Variants in SPAG9 observed in about 807,000 individuals in gnomAD.
SPAG9 encodes C-Jun-amino-terminal kinase-interacting protein 4.
A neutral mutation model predicts 166.5 loss-of-function variants in SPAG9; 35 were observed. That is an observed-to-expected ratio of 0.21 (90% CI 0.16 to 0.28). The LOEUF (loss-of-function observed/expected upper bound fraction) is 0.28, where lower values mean the gene tolerates loss of function less well. Ranked by LOEUF, SPAG9 falls within the 10% of genes least tolerant of loss-of-function variation. The pLI is 1.00. For missense variants in SPAG9, 1,235 were observed against 1,603.3 expected (o/e 0.77, Z 3.92); for synonymous variants, 534 against 565.5 (o/e 0.94, Z 0.79).
intron 3 of SPAG9, among the ~76,000 whole-genome samples, chr17:51,053,690 A>G (rs76717724): frequency 1.4e-5 from 2 of 147,310 alleles, no homozygotes; most frequent in African/African-American, 5.0e-5. Context: ...ATCACACACA[A>G]AAAAAAAAAT....
intron 1 of SPAG9, among the ~76,000 whole-genome samples, chr17:51,084,448 G>C (rs1413715469): frequency 6.6e-6 from 1 of 151,996 alleles, no homozygotes; most frequent in Admixed American, 6.6e-5. Flanking sequence ...GAGTGCAGTG[G>C]TGCCATCTCA....
At chr17:51,040,683 G>A (rs2046803238) in intron 5 of SPAG9, among the ~76,000 whole-genome samples, 1 of 152,158 alleles carries the variant, frequency 6.6e-6, no homozygotes. Flanking sequence ...TACAGTAAAT[G>A]ACAGTATTTT....
chr17:51,084,612 T>C (rs1342713150), intron 1 of SPAG9, among the ~76,000 whole-genome samples: 1 of 152,170 alleles, frequency 6.6e-6, no homozygotes, highest in Non-Finnish European at 1.5e-5. Context: ...TTTCACCATG[T>C]TGGCCAGGAT....
At chr17:51,022,724 G>A (rs1021936055) in intron 6 of SPAG9, among the ~76,000 whole-genome samples, 5 of 151,400 alleles carry the variant, frequency 3.3e-5, no homozygotes, top group Admixed American at 6.6e-5. Flanking sequence ...CGAGGCAGGC[G>A]GATCACCTGA....
intron 1 of SPAG9, among the ~76,000 whole-genome samples, chr17:51,109,994 TA>T (rs2049061618): frequency 6.6e-6 from 1 of 152,088 alleles, no homozygotes; most frequent in Admixed American, 6.6e-5. Flanking sequence ...TTACAGGCAT[TA>T]GCTACTACAC....
intron 9 of SPAG9, 76 bp from the exon 10 acceptor site, chr17:51,007,402 G>A: frequency 1.3e-6 from 1 of 745,072 alleles, no homozygotes; most frequent in Non-Finnish European, 2.1e-6. Context: ...ATAAGCTATA[G>A]TCACAAGTTT....
At chr17:51,036,354 C>G (rs1030136739) in intron 5 of SPAG9, among the ~76,000 whole-genome samples, 4 of 152,154 alleles carry the variant, frequency 2.6e-5, no homozygotes, top group Admixed American at 2.6e-4. Flanking sequence ...TATAAATTTA[C>G]AAATTCAGTC....
intron 2 of SPAG9, among the ~76,000 whole-genome samples, chr17:51,077,609 T>C (rs1266219616): frequency 1.3e-5 from 2 of 152,124 alleles, no homozygotes; most frequent in Admixed American, 6.5e-5. Context: ...TATCTATTAG[T>C]GGATGCCCTG....
chr17:51,017,878 A>G (rs1365444655), intron 8 of SPAG9, among the ~76,000 whole-genome samples: 1 of 152,156 alleles, frequency 6.6e-6, no homozygotes, highest in Non-Finnish European at 1.5e-5. Flanking sequence ...GAACCCATGC[A>G]GTCTTACTCT....
In SPAG9 at chr17:51,031,701, G is replaced by C; in HGVS notation, c.763C>G (p.Gln255Glu). ...CTCACCTCCTGTTCTACAGCCTTCT[G>C]AGGTTCAGGACTATTGCTGACCTAG... ...SLKVSNSPEPQKAVEQEDELS... is the reference protein window; with the variant it reads ...SLKVSNSPEPEKAVEQEDELS... Residue 255 changes from glutamine (Q) to glutamate (E), a missense_variant, in exon 6 of 30, where the codon CAG becomes GAG. Gln to Glu is a conservative substitution (Grantham distance 29). This residue lies in a region of SPAG9 where 288 missense variants were observed against 323.7 expected (regional missense o/e 0.89). Coordinates refer to ENST00000262013, the MANE Select transcript of SPAG9 (RefSeq NM_001130528.3). The C allele has an allele frequency of 6.4e-7, 1 of 1,551,148 alleles. No homozygotes were observed. Among genetic ancestry groups the C allele is most frequent in the Non-Finnish European group, 8.7e-7 (1 of 1,146,620 alleles).
intron 1 of SPAG9, among the ~76,000 whole-genome samples, chr17:51,093,468 T>C (rs9893336): frequency 0.59 from 90,220 of 151,662 alleles, 27,548 homozygotes; most frequent in African/African-American, 0.71. Flanking sequence ...TTTGGGAGGC[T>C]GAGGCGGGTG....
At chr17:50,967,819 G>C (rs1973474768) in intron 29 of SPAG9, among the ~76,000 whole-genome samples, 1 of 152,176 alleles carries the variant, frequency 6.6e-6, no homozygotes, top group African/African-American at 2.4e-5. Context: ...GATCAAATTT[G>C]ATTTTTTACA....
At chr17:51,093,418 T>G (rs1372393931) in intron 1 of SPAG9, among the ~76,000 whole-genome samples, 1 of 148,074 alleles carries the variant, frequency 6.8e-6, no homozygotes, top group Non-Finnish European at 1.5e-5. Flanking sequence ...TTATAATAGA[T>G]CTGGCCAGGC....
chr17:51,019,309 G>C (rs767658653), intron 8 of SPAG9, among the ~76,000 whole-genome samples: 6 of 152,222 alleles, frequency 3.9e-5, no homozygotes, highest in Non-Finnish European at 8.8e-5. Flanking sequence ...TGTAATCTCA[G>C]CACTTTGGGA....
rs1286381833 is a variant in SPAG9 at position 50,963,830 on chromosome 17, G to C, written c.*2442C>G. 6.6e-6 allele frequency: 1 copy of C among 152,166 alleles called. No homozygotes were observed. The highest frequency in any genetic ancestry group is 2.4e-5 in the African/African-American group (1 of 41,442). The allele number at this position is 152,166 out of a possible 1,614,324, so 9.4% of individuals were successfully genotyped here. A position where few individuals can be genotyped will look rare whatever the true frequency, so the allele number is the denominator to read the frequency against. Reference sequence around the variant, plus strand: ...TTTTTAAAAGATATTGCCAAAAATGGCTCAGATTTAAGATGAAATAAAAAC... The same window carrying C: ...TTTTTAAAAGATATTGCCAAAAATGCCTCAGATTTAAGATGAAATAAAAAC... On this transcript the variant is annotated 3_prime_UTR_variant, in exon 30 of 30. Coordinates refer to ENST00000262013, the MANE Select transcript of SPAG9 (RefSeq NM_001130528.3).
chr17:51,041,598 A>G lies in SPAG9; in HGVS notation c.644T>C (p.Leu215Ser). Residue 215 changes from leucine (L) to serine (S), a missense_variant, in exon 5 of 30, where the codon TTG becomes TCG. Around this residue, in one of 6 missense-constraint regions of SPAG9, gnomAD observed 288 missense variants for 323.7 expected, o/e 0.89. Transcript: ENST00000262013. ...TCCTTTCTGAGCATCAGGTGTAAGC[A>G]ATCCATCTCCAGCAGGTAATGGGAA... ...GIFPLPAGDG[L>S]LTPDAQKGGE... 1.9e-6 allele frequency: 3 copies of G among 1,613,934 alleles called. No individual in the cohort carries two copies. Among genetic ancestry groups the G allele is most frequent in the Non-Finnish European group, 2.5e-6 (3 of 1,179,818 alleles).
chr17:51,025,889 T>C (rs2046147894), intron 6 of SPAG9, among the ~76,000 whole-genome samples: 1 of 152,136 alleles, frequency 6.6e-6, no homozygotes, highest in African/African-American at 2.4e-5. Flanking sequence ...TCTTTAAAAG[T>C]TTCAAACGTA....
At chr17:51,077,117 TCTAG>T (rs1263993673) in intron 2 of SPAG9, among the ~76,000 whole-genome samples, 7 of 131,482 alleles carry the variant, frequency 5.3e-5, no homozygotes, top group Admixed American at 1.5e-4. Context: ...TATCTAGCTA[TCTAG>T]CTAGCTATCT....
Position 51,049,945 on chromosome 17 carries a change from T to C in SPAG9, c.496-2476A>G, listed in dbSNP as rs766746312. The stretch of plus-strand genomic sequence containing the variant: ...TAGTAAAGTAATTGTATGTATGGGA[T>C]TGATTTGTTCAAATGGAGGACCTAA... On this transcript the variant is annotated intron_variant, in intron 3 of 29. Coordinates refer to ENST00000262013, the MANE Select transcript of SPAG9 (RefSeq NM_001130528.3). Among the ~76,000 whole-genome samples, 3 of 152,278 alleles carry C rather than the reference T, an allele frequency of 2.0e-5. No individual in the cohort carries two copies. The East Asian group carries it at 5.8e-4, about 29-fold the overall frequency.
Sources: gnomAD v4.1 joint callset for allele counts (sites outside exome capture counted in the v4.1 genomes callset) on GRCh38, gnomAD v4.1.1 for gene constraint, gnomAD v4.1.1 regional missense constraint, MANE v1.5 for transcripts, NCBI Gene and HGNC (gene_info 2026-07-23, HGNC 2026-07-21) for gene names.